The following PPHLN1 variants were observed in gnomAD, a reference collection of about 807,000 sequenced individuals.
PPHLN1 encodes the protein periphilin 1, also known as periphilin-1.
A neutral mutation model predicts 51.3 loss-of-function variants in PPHLN1; 29 were observed. The observed-to-expected ratio is 0.57, with a 90% CI of 0.42 to 0.77. The LOEUF (loss-of-function observed/expected upper bound fraction) is 0.77, where lower values mean the gene tolerates loss of function less well. Ranked by LOEUF, PPHLN1 falls within the 30% of genes least tolerant of loss-of-function variation. The pLI is 0.00. For missense variants in PPHLN1, 436 were observed against 438.4 expected, an observed-to-expected ratio of 0.99 and a Z score of 0.05; for synonymous variants, 147 against 147.8, an observed-to-expected ratio of 0.99 and a Z score of 0.04.
chr12:42,331,520 G>T (rs936380712), intron 1 of PPHLN1, among the ~76,000 whole-genome samples: 5 of 152,140 alleles, frequency 3.3e-5, no homozygotes, highest in African/African-American at 1.2e-4. Context: ...AACAGTGGTT[G>T]GATAGCCCAG....
At chr12:42,435,698 G>T (rs1010850861) in intron 9 of PPHLN1, among the ~76,000 whole-genome samples, 2 of 151,812 alleles carry the variant, frequency 1.3e-5, no homozygotes, top group African/African-American at 4.8e-5. Context: ...ATTAAAAGTT[G>T]TAGAACATTT....
intron 5 of PPHLN1, among the ~76,000 whole-genome samples, chr12:42,376,090 A>G (rs1265287988): frequency 6.6e-6 from 1 of 152,224 alleles, no homozygotes; most frequent in Non-Finnish European, 1.5e-5. Context: ...CTGAGGATGT[A>G]AGAACATGTC....
At chr12:42,362,941 G>A (rs2074859358) in intron 4 of PPHLN1, among the ~76,000 whole-genome samples, 1 of 152,140 alleles carries the variant, frequency 6.6e-6, no homozygotes, top group South Asian at 2.1e-4. Flanking sequence ...CAGCAGGCTT[G>A]CTTATTGCTT....
downstream of PPHLN1, chr12:42,444,864 G>T (rs1157811858): frequency 1.7e-6 from 1 of 571,874 alleles, no homozygotes; most frequent in Non-Finnish European, 3.1e-6. Context: ...GCTTTTTACC[G>T]ATGGCTCTCG....
chr12:42,392,353 C>T (rs886981194), intron 7 of PPHLN1, among the ~76,000 whole-genome samples: 2 of 152,182 alleles, frequency 1.3e-5, no homozygotes, highest in Admixed American at 6.5e-5. Context: ...TCATGGAATT[C>T]TATTTAATTA....
chr12:42,349,403 G>GTTTTGT (rs780949447), intron 2 of PPHLN1, among the ~76,000 whole-genome samples: 6 of 151,598 alleles, frequency 4.0e-5, no homozygotes, highest in South Asian at 2.1e-4. Context: ...GTTTTGTTTT[G>GTTTTGT]TTTTTTAAAT....
At chr12:42,379,880 A>G (rs116141507) in intron 5 of PPHLN1, among the ~76,000 whole-genome samples, 178 of 152,148 alleles carry the variant, frequency 1.2e-3, no homozygotes, top group African/African-American at 4.2e-3. Flanking sequence ...ATCAGTTGTT[A>G]ATAATTTATG....
At chr12:42,381,648 G>A (rs1480501403) in intron 5 of PPHLN1, among the ~76,000 whole-genome samples, 4 of 152,038 alleles carry the variant, frequency 2.6e-5, no homozygotes, top group African/African-American at 7.2e-5. Flanking sequence ...CATTTTTCTT[G>A]TGTCTCTCCA....
At chr12:42,446,116 G>T, downstream of PPHLN1, 1 of 1,559,568 alleles carries the variant, frequency 6.4e-7, no homozygotes, top group East Asian at 2.4e-5. Flanking sequence ...GGAAGAAACG[G>T]GTTCGTCGGA....
chr12:42,414,458 T>C (rs1233434216), intron 9 of PPHLN1, among the ~76,000 whole-genome samples: 2 of 152,246 alleles, frequency 1.3e-5, no homozygotes, highest in African/African-American at 4.8e-5. Context: ...AGCAGCTTCT[T>C]GTAATTCTCC....
intron 9 of PPHLN1, among the ~76,000 whole-genome samples, chr12:42,411,305 G>C (rs995151345): frequency 8.7e-5 from 13 of 148,778 alleles, no homozygotes; most frequent in African/African-American, 3.0e-4. Context: ...TTATTTGGAT[G>C]AATTGTATAG....
At chr12:42,334,954 G>A (rs1186743665) in intron 1 of PPHLN1, among the ~76,000 whole-genome samples, 1 of 152,180 alleles carries the variant, frequency 6.6e-6, no homozygotes, top group Non-Finnish European at 1.5e-5. Context: ...AGAGATCTGT[G>A]ACCTACAAGG....
chr12:42,408,800 T>C (rs948886932), intron 9 of PPHLN1, among the ~76,000 whole-genome samples: 1 of 152,158 alleles, frequency 6.6e-6, no homozygotes, highest in African/African-American at 2.4e-5. Context: ...GATCTTGAAA[T>C]AAGGCAGAAA....
chr12:42,429,797 T>C (rs73126407), intron 9 of PPHLN1, among the ~76,000 whole-genome samples: 11,743 of 152,246 alleles, frequency 0.077, 509 homozygotes, highest in East Asian at 0.15. Flanking sequence ...ATCGAGAAGA[T>C]GCAAAGCTCA....
intron 9 of PPHLN1, chr12:42,399,475 A>G: frequency 1.1e-6 from 1 of 904,612 alleles, no homozygotes. Context: ...TTTAATGTGC[A>G]ACTATTATGG....
At chr12:42,412,174 C>T (rs1305775477) in intron 9 of PPHLN1, among the ~76,000 whole-genome samples, 1 of 152,092 alleles carries the variant, frequency 6.6e-6, no homozygotes, top group Non-Finnish European at 1.5e-5. Context: ...CACTGCACTC[C>T]AGCCTGGGCG....
intron 1 of PPHLN1, among the ~76,000 whole-genome samples, chr12:42,333,211 C>T (rs947151190): frequency 1.3e-5 from 2 of 151,954 alleles, no homozygotes; most frequent in Admixed American, 1.3e-4. Flanking sequence ...AAAAATACTC[C>T]TTTTGTATAA....
intron 6 of PPHLN1, among the ~76,000 whole-genome samples, chr12:42,385,629 T>C (rs1276996333): frequency 6.6e-6 from 1 of 152,248 alleles, no homozygotes; most frequent in Non-Finnish European, 1.5e-5. Flanking sequence ...CCTGTAATTA[T>C]GCCTTTAATA....
intron 9 of PPHLN1, chr12:42,433,211 T>G (rs2082191531): frequency 1.3e-6 from 1 of 758,114 alleles, no homozygotes; most frequent in Admixed American, 1.7e-5. Context: ...CACATGGCTC[T>G]TGGTCATTTG....
Sources: gnomAD v4.1 joint callset for allele counts (sites outside exome capture counted in the v4.1 genomes callset) on GRCh38, gnomAD v4.1.1 for gene constraint, MANE v1.5 for transcripts, NCBI Gene and HGNC (gene_info 2026-07-23, HGNC 2026-07-21) for gene names.